SORCS3: variants seen among roughly 807,000 people sequenced by gnomAD.
SORCS3 encodes the protein sortilin related VPS10 domain containing receptor 3.
SORCS3 carries 57 observed loss-of-function variants against 146.3 expected under a neutral mutation model. The ratio of observed to expected loss-of-function variants is 0.39; its 90% CI spans 0.31 to 0.49. SORCS3 has a LOEUF of 0.49. SORCS3 is among the 20% of genes least tolerant of loss of function. SORCS3 has a pLI of 0.92. For missense variants in SORCS3, 1,341 were observed against 1,575.5 expected (o/e 0.85, Z 2.52); for synonymous variants, 653 against 618.5 (o/e 1.06, Z -0.83).
At chr10:105,166,303 A>C (rs74157454) in intron 12 of SORCS3, among the ~76,000 whole-genome samples, 1 of 151,978 alleles carries the variant, frequency 6.6e-6, no homozygotes, top group East Asian at 1.9e-4. Context: ...CACTTAACCC[A>C]CCATCCCAAC....
At chr10:104,754,706 T>C (rs1038517258) in intron 1 of SORCS3, among the ~76,000 whole-genome samples, 2 of 152,236 alleles carry the variant, frequency 1.3e-5, no homozygotes, top group Admixed American at 6.5e-5. Context: ...TCATCAAGCT[T>C]GTTTGTAACT....
chr10:104,690,322 C>T (rs1161536076), intron 1 of SORCS3, among the ~76,000 whole-genome samples: 1 of 152,194 alleles, frequency 6.6e-6, no homozygotes, highest in Non-Finnish European at 1.5e-5. Flanking sequence ...CTGCCGTGCT[C>T]CTCTCAGGAG....
chr10:104,698,671 C>A (rs1480161289), intron 1 of SORCS3, among the ~76,000 whole-genome samples: 1 of 152,110 alleles, frequency 6.6e-6, no homozygotes, highest in Non-Finnish European at 1.5e-5. Context: ...AAATGGCTAT[C>A]CTGTGTAACT....
intron 3 of SORCS3, among the ~76,000 whole-genome samples, chr10:104,930,811 T>C (rs2019198812): frequency 6.6e-6 from 1 of 152,216 alleles, no homozygotes; most frequent in Non-Finnish European, 1.5e-5. Context: ...TAAATACTTA[T>C]AAGCTTCTCT....
At chr10:104,892,658 G>C (rs1242754232) in intron 2 of SORCS3, among the ~76,000 whole-genome samples, 1 of 152,138 alleles carries the variant, frequency 6.6e-6, no homozygotes, top group African/African-American at 2.4e-5. Context: ...GGGAGGCGGA[G>C]GTTGCAGTAG....
At chr10:104,672,737 T>C (rs903557844) in intron 1 of SORCS3, among the ~76,000 whole-genome samples, 2 of 152,190 alleles carry the variant, frequency 1.3e-5, no homozygotes, top group African/African-American at 4.8e-5. Flanking sequence ...TGTTGTTTAA[T>C]TTTCATTGCT....
intron 20 of SORCS3, among the ~76,000 whole-genome samples, chr10:105,242,401 TAC>T (rs1320871551): frequency 4.4e-5 from 5 of 114,094 alleles, no homozygotes; most frequent in Admixed American, 2.3e-4. Flanking sequence ...TATATATTTA[TAC>T]ATATATTTAT....
At chr10:105,134,905 G>A (rs2056048573) in intron 7 of SORCS3, among the ~76,000 whole-genome samples, 1 of 152,158 alleles carries the variant, frequency 6.6e-6, no homozygotes, top group South Asian at 2.1e-4. Context: ...TGAGACTCAA[G>A]GAGATTCATC....
At chr10:104,784,540 G>A (rs75001605) in intron 1 of SORCS3, among the ~76,000 whole-genome samples, 1 of 152,176 alleles carries the variant, frequency 6.6e-6, no homozygotes, top group Non-Finnish European at 1.5e-5. Flanking sequence ...CAATGCAGAA[G>A]GAGATGCACC....
chr10:104,803,174 G>T (rs144989311), intron 1 of SORCS3, among the ~76,000 whole-genome samples: 54 of 152,300 alleles, frequency 3.5e-4, no homozygotes, highest in African/African-American at 1.3e-3. Context: ...TGGATAAAAA[G>T]CAAAACAAAC....
At chr10:105,141,489 C>T (rs1288474215) in intron 8 of SORCS3, among the ~76,000 whole-genome samples, 1 of 152,078 alleles carries the variant, frequency 6.6e-6, no homozygotes, top group Non-Finnish European at 1.5e-5. Flanking sequence ...CATGCAGTGC[C>T]GTGGATGCTT....
intron 1 of SORCS3, among the ~76,000 whole-genome samples, chr10:104,713,943 A>G (rs74531208): frequency 6.6e-6 from 1 of 152,096 alleles, no homozygotes; most frequent in Non-Finnish European, 1.5e-5. Context: ...AGAAATAGGG[A>G]TATTCAAGTT....
At chr10:104,711,280 G>A (rs970187326) in intron 1 of SORCS3, among the ~76,000 whole-genome samples, 4 of 152,206 alleles carry the variant, frequency 2.6e-5, no homozygotes, top group Non-Finnish European at 5.9e-5. Context: ...GTTGCACACT[G>A]ACATCTGATC....
At chr10:105,123,091 C>G (rs1385938358) in intron 7 of SORCS3, among the ~76,000 whole-genome samples, 1 of 152,232 alleles carries the variant, frequency 6.6e-6, no homozygotes, top group African/African-American at 2.4e-5. Flanking sequence ...CCAGGCAAAA[C>G]TGTTGAAGAC....
intron 6 of SORCS3, among the ~76,000 whole-genome samples, chr10:105,092,105 G>A (rs982494700): frequency 6.6e-6 from 1 of 152,202 alleles, no homozygotes; most frequent in Non-Finnish European, 1.5e-5. Context: ...AAAAAATGTA[G>A]TTTCTTACAT....
At chr10:105,213,085 C>T (rs997700392) in intron 17 of SORCS3, among the ~76,000 whole-genome samples, 9 of 152,224 alleles carry the variant, frequency 5.9e-5, no homozygotes, top group Non-Finnish European at 1.3e-4. Flanking sequence ...ACAAGGTGCG[C>T]TACCATATTG....
chr10:105,057,533 C>G (rs888570515), intron 5 of SORCS3, among the ~76,000 whole-genome samples: 1 of 152,062 alleles, frequency 6.6e-6, no homozygotes. Context: ...ACCTGGTGAC[C>G]CATTGCTCTA....
chr10:105,170,975 TAGGTA>T lies in SORCS3; in HGVS notation c.1901+3628_1901+3632del, dbSNP rs1388150287. 3.9e-5 allele frequency among the ~76,000 whole-genome samples: 6 copies of T among 152,272 alleles called. No individual in the cohort carries two copies. In the East Asian group the frequency reaches 5.8e-4, roughly 15 times the overall value. On this transcript the variant is annotated intron_variant, in intron 13 of 26. Transcript: ENST00000369701. ...AGCTCATTTTAAGAGGAAGATAGGTTAGGTAATCAGTTCATTGCCATTTTCTGTCA... is the reference window on the plus strand; with the variant it reads ...AGCTCATTTTAAGAGGAAGATAGGTTATCAGTTCATTGCCATTTTCTGTCA...
At chr10:104,675,800 C>G (rs1215894578) in intron 1 of SORCS3, among the ~76,000 whole-genome samples, 1 of 152,166 alleles carries the variant, frequency 6.6e-6, no homozygotes, top group African/African-American at 2.4e-5. Context: ...TCTAAGTTTG[C>G]CAATCTTATC....
Sources: gnomAD v4.1 joint callset for allele counts (sites outside exome capture counted in the v4.1 genomes callset) on GRCh38, gnomAD v4.1.1 for gene constraint, MANE v1.5 for transcripts, NCBI Gene and HGNC (gene_info 2026-07-23, HGNC 2026-07-21) for gene names.